YIPF4: variants seen among roughly 807,000 people sequenced by gnomAD.
The protein encoded by YIPF4 is protein YIPF4.
A neutral mutation model predicts 29.4 loss-of-function variants in YIPF4; 18 were observed. The ratio of observed to expected loss-of-function variants is 0.61; its 90% CI spans 0.42 to 0.91. The LOEUF is 0.91. Among genes scored for constraint, YIPF4 ranks in the 40% least tolerant of loss-of-function variants. The pLI, the probability that YIPF4 is intolerant of heterozygous loss-of-function variation, is 0.00. For synonymous variants in YIPF4, 115 were observed against 104.7 expected (o/e 1.10, Z -0.60); for missense variants, 279 against 282.7 (o/e 0.99, Z 0.09).
At chr2:32,289,820 T>A (rs1367453519) in intron 1 of YIPF4, among the ~76,000 whole-genome samples, 1 of 152,194 alleles carries the variant, frequency 6.6e-6, no homozygotes, top group East Asian at 1.9e-4. Context: ...ACATAGCCTT[T>A]ATTTATTTTT....
At chr2:32,298,905 T>G (rs777535685) in intron 4 of YIPF4, among the ~76,000 whole-genome samples, 1 of 151,390 alleles carries the variant, frequency 6.6e-6, no homozygotes, top group Non-Finnish European at 1.5e-5. Flanking sequence ...TGAGATGGAG[T>G]CTCGCTCTGT....
chr2:32,294,794 C>G (rs1025268287), intron 3 of YIPF4, among the ~76,000 whole-genome samples: 1 of 152,240 alleles, frequency 6.6e-6, no homozygotes, highest in Non-Finnish European at 1.5e-5. Flanking sequence ...ACTGAGTGAA[C>G]CAGACACCGT....
intron 3 of YIPF4, among the ~76,000 whole-genome samples, chr2:32,293,768 C>T (rs1471135622): frequency 6.7e-6 from 1 of 148,682 alleles, no homozygotes; most frequent in Non-Finnish European, 1.5e-5. Flanking sequence ...CAGAGGGGCT[C>T]CTCACTTCCC....
At chr2:32,305,036 A>G (rs1441369913) in intron 5 of YIPF4, among the ~76,000 whole-genome samples, 3 of 152,110 alleles carry the variant, frequency 2.0e-5, no homozygotes, top group Non-Finnish European at 4.4e-5. Context: ...TTAGAAGGAA[A>G]AGGAAAATTT....
chr2:32,316,396 G>A lies in YIPF4; in HGVS notation c.*10770G>A, dbSNP rs1470659806. 2.0e-5 allele frequency: 3 copies of A among 152,252 alleles called. No individual in the cohort carries two copies. Among genetic ancestry groups the A allele is most frequent in the East Asian group, 3.9e-4 (2 of 5,186 alleles). The allele number at this position is 152,252 out of a possible 1,614,324, so 9.4% of individuals were successfully genotyped here. On this transcript the variant is annotated 3_prime_UTR_variant, in exon 6 of 6. Transcript: ENST00000238831. ...TCATGATTAAATGTGAATTAACAAC[G>A]TTGGCCTCTCGGATTCCCAAAACTT... is the stretch of plus-strand genomic sequence containing the variant.
At chr2:32,295,890 A>G (rs1227646751) in intron 3 of YIPF4, among the ~76,000 whole-genome samples, 1 of 152,160 alleles carries the variant, frequency 6.6e-6, no homozygotes, top group Admixed American at 6.6e-5. Flanking sequence ...GGTGTGAACC[A>G]CTGTGCCCAG....
Position 32,305,469 on chromosome 2 carries a change from C to T in YIPF4, c.598-20C>T. On this transcript the variant is annotated intron_variant, in intron 5 of 5. Coordinates refer to ENST00000238831, the MANE Select transcript of YIPF4 (RefSeq NM_032312.4). ...GACTTGCTAATATGCTGCCTTTTGTCTTTTTTCCTTTTTTTAAAGCTGTTT... is the reference window on the plus strand; with the variant it reads ...GACTTGCTAATATGCTGCCTTTTGTTTTTTTTCCTTTTTTTAAAGCTGTTT... 1 of 1,484,072 alleles carries T rather than the reference C, an allele frequency of 6.7e-7. No individual in the cohort carries two copies. The highest frequency in any genetic ancestry group is 2.5e-5 in the East Asian group (1 of 40,580). 91.9% of individuals were successfully genotyped at this position (1,484,072 alleles called of 1,614,324 possible).
At chr2:32,290,735 TG>T in intron 2 of YIPF4, 99 bp downstream of exon 2, 1 of 838,266 alleles carries the variant, frequency 1.2e-6, no homozygotes, top group Non-Finnish European at 1.6e-6. Context: ...TAACCTTTTT[TG>T]GTCAAAAGCT....
chr2:32,285,635 C>A (rs1245109288), intron 1 of YIPF4, among the ~76,000 whole-genome samples: 1 of 150,636 alleles, frequency 6.6e-6, no homozygotes, highest in Non-Finnish European at 1.5e-5. Context: ...GTAATGTAGA[C>A]AGAGGAATCT....
At position 32,294,400 on chromosome 2, in the gene YIPF4, G is replaced by A. The variant is rs575185090; in HGVS notation, c.405+2052G>A. ...TCACCTCCCAGACGTGGTCGCGGCC[G>A]AGCAGAGGCGCTCCTCACATCCCAG... On this transcript the variant is annotated intron_variant, in intron 3 of 5. Coordinates refer to ENST00000238831, the MANE Select transcript of YIPF4 (RefSeq NM_032312.4). Among the ~76,000 whole-genome samples, 20 of 151,922 alleles carry A rather than the reference G, an allele frequency of 1.3e-4. No individual in the cohort carries two copies. In the South Asian group the frequency reaches 3.7e-3, roughly 28 times the overall value.
At chr2:32,297,619 C>T (rs573334788) in intron 3 of YIPF4, among the ~76,000 whole-genome samples, 3 of 151,868 alleles carry the variant, frequency 2.0e-5, no homozygotes, top group African/African-American at 7.2e-5. Flanking sequence ...TAAATAAGTA[C>T]ATGACCAAAT....
At chr2:32,289,044 CAAA>C (rs1383580472) in intron 1 of YIPF4, among the ~76,000 whole-genome samples, 10 of 152,118 alleles carry the variant, frequency 6.6e-5, no homozygotes, top group Non-Finnish European at 1.2e-4. Context: ...TCAACTTAGA[CAAA>C]GAAGTAGCAA....
chr2:32,279,077 C>T (rs946293736), intron 1 of YIPF4, among the ~76,000 whole-genome samples: 16 of 151,740 alleles, frequency 1.1e-4, no homozygotes, highest in African/African-American at 3.4e-4. Context: ...ACGCCATTCT[C>T]CTGCCTCAGC....
chr2:32,289,690 G>C (rs941619071), intron 1 of YIPF4, among the ~76,000 whole-genome samples: 1 of 152,098 alleles, frequency 6.6e-6, no homozygotes, highest in Non-Finnish European at 1.5e-5. Flanking sequence ...GTACTACCAT[G>C]ATTATCTGTA....
intron 1 of YIPF4, among the ~76,000 whole-genome samples, chr2:32,279,456 G>C (rs1353933150): frequency 8.3e-5 from 11 of 132,610 alleles, no homozygotes; most frequent in African/African-American, 3.2e-4. Flanking sequence ...GGAGTGCAGT[G>C]ATGCCATCTC....
At position 32,289,264 on chromosome 2, in the gene YIPF4, G is replaced by A. The variant is rs527999368; in HGVS notation, c.80-1219G>A. Among the ~76,000 whole-genome samples, 3 of 152,328 alleles carry A rather than the reference G, an allele frequency of 2.0e-5. No homozygotes were observed. The East Asian group carries it at 5.8e-4, about 29-fold the overall frequency. On this transcript the variant is annotated intron_variant, in intron 1 of 5. Coordinates refer to ENST00000238831, the MANE Select transcript of YIPF4 (RefSeq NM_032312.4). ...GCCCGGAAAACATGAATGATTTGCT[G>A]TATCAGTTAGTAGCTAAGCTGGGAC...
chr2:32,297,004 T>C (rs1326205521), intron 3 of YIPF4, among the ~76,000 whole-genome samples: 1 of 152,234 alleles, frequency 6.6e-6, no homozygotes, highest in Non-Finnish European at 1.5e-5. Flanking sequence ...TCAGCTTGCA[T>C]TCTGTCTCGT....
In YIPF4 at chr2:32,297,819, T is replaced by G. The variant is rs918936021; in HGVS notation, c.406-415T>G. 2.0e-5 allele frequency among the ~76,000 whole-genome samples: 3 copies of G among 152,258 alleles called. No individual in the cohort carries two copies. The East Asian group carries it at 5.8e-4, about 29-fold the overall frequency. ...TACACCAAGTTTGAGGAGTTTAAAA[T>G]TGTCTGAAATGGCTTCCATATTCCA... On this transcript the variant is annotated intron_variant, in intron 3 of 5. Coordinates refer to ENST00000238831, the MANE Select transcript of YIPF4 (RefSeq NM_032312.4).
In YIPF4 at chr2:32,277,915, G is replaced by C; in HGVS notation, c.-241G>C. The C allele has an allele frequency of 1.9e-6, 1 of 517,092 alleles. No homozygotes were observed. The highest frequency in any genetic ancestry group is 3.4e-6 in the Non-Finnish European group (1 of 294,056). 32.0% of individuals were successfully genotyped at this position (517,092 alleles called of 1,614,324 possible). On this transcript the variant is annotated 5_prime_UTR_variant, in exon 1 of 6. An upstream start codon of the reference 5' UTR is lost. Coordinates refer to ENST00000238831, the MANE Select transcript of YIPF4 (RefSeq NM_032312.4). ...ATCCCAGCGCCGCTGTCACTGTTAT[G>C]GTCCTGTCAGGGTGCCGGCGTCGTG... is the stretch of plus-strand genomic sequence containing the variant.
Sources: allele counts gnomAD v4.1 joint callset (sites outside exome capture counted in the v4.1 genomes callset), GRCh38; gene constraint gnomAD v4.1.1; transcripts MANE v1.5; gene names NCBI Gene and HGNC (gene_info 2026-07-23, HGNC 2026-07-21).